Variants in CARMIL1 observed in about 807,000 individuals in gnomAD.
CARMIL1 encodes the protein F-actin-uncapping protein LRRC16A.
In CARMIL1, 90 loss-of-function variants were observed where a neutral mutation model predicts 177.1. That is an observed-to-expected ratio of 0.51 (90% CI 0.43 to 0.61). CARMIL1 has a LOEUF of 0.61. CARMIL1 is among the 20% of genes least tolerant of loss of function. CARMIL1 has a pLI of 0.00. For synonymous variants in CARMIL1, 577 were observed against 606.2 expected (o/e 0.95, Z 0.71); for missense variants, 1,380 against 1,667.0 (o/e 0.83, Z 3.00).
chr6:25,590,230 G>A (rs1814161168), intron 31 of CARMIL1, among the ~76,000 whole-genome samples: 1 of 152,080 alleles, frequency 6.6e-6, no homozygotes, highest in African/African-American at 2.4e-5. Flanking sequence ...ATGAATGGTA[G>A]TTTGATTCTT....
chr6:25,612,739 G>A, intron 36 of CARMIL1: 17 of 984,626 alleles, frequency 1.7e-5, no homozygotes, highest in Non-Finnish European at 2.1e-5. Flanking sequence ...TTCCTCAGTA[G>A]TGCAAAGAGG....
At position 25,324,733 on chromosome 6, in the gene CARMIL1, G is replaced by A. The variant is rs1784936060; in HGVS notation, c.138+39824G>A. ...TATATGGTAGTCATAAGAGCTGGGA[G>A]GATAGGAGATGGAGTAGGGTGATGG... On this transcript the variant is annotated intron_variant, in intron 2 of 36. Coordinates refer to ENST00000329474, the MANE Select transcript of CARMIL1 (RefSeq NM_017640.6). 2.0e-5 allele frequency among the ~76,000 whole-genome samples: 3 copies of A among 152,190 alleles called. No individual in the cohort carries two copies. The South Asian group carries it at 6.2e-4, about 32-fold the overall frequency.
intron 26 of CARMIL1, among the ~76,000 whole-genome samples, chr6:25,542,767 A>G (rs554360635): frequency 1.2e-4 from 18 of 152,280 alleles, no homozygotes; most frequent in South Asian, 6.2e-4. Context: ...TCCAGTTTAC[A>G]TGACAAGTGG....
rs183815985 is a variant in CARMIL1 at position 25,321,184 on chromosome 6, A to G, written c.138+36275A>G. 1.3e-3 allele frequency among the ~76,000 whole-genome samples: 196 copies of G among 152,314 alleles called. 1 individual carries two copies. The highest frequency in any genetic ancestry group is 2.5e-3 in the Non-Finnish European group (167 of 68,030). ...GACTTACAGCACCCTGTAGCATAGT[A>G]TATGATATTTGGCTAGTAAAATGTG... On this transcript the variant is annotated intron_variant, in intron 2 of 36. Coordinates refer to ENST00000329474, the MANE Select transcript of CARMIL1 (RefSeq NM_017640.6).
In CARMIL1 at chr6:25,420,133, C is replaced by A. The variant is rs766532521; in HGVS notation, c.158C>A (p.Ala53Asp). ...TTACAGGTCCTTACATCATGCCGAG[C>A]CTTCCTTGTAACAGCGCGAATCCCC... ...NKVLVLTSCR[A>D]FLVTARIPTK... is the part of the protein sequence containing the mutation. Residue 53 changes from alanine to aspartate, a missense_variant, in exon 3 of 37, where the codon GCC becomes GAC. Ala to Asp is a moderately radical substitution (Grantham distance 126, BLOSUM62 -2). Coordinates refer to ENST00000329474, the MANE Select transcript of CARMIL1 (RefSeq NM_017640.6). 1.9e-6 allele frequency: 3 copies of A among 1,613,534 alleles called. No homozygotes were observed. Among genetic ancestry groups the A allele is most frequent in the Non-Finnish European group, 2.5e-6 (3 of 1,179,524 alleles).
chr6:25,302,542 A>G (rs576670310), intron 2 of CARMIL1, among the ~76,000 whole-genome samples: 2 of 152,292 alleles, frequency 1.3e-5, no homozygotes, highest in African/African-American at 2.4e-5. Context: ...CCTAAAAGCA[A>G]TCTCTTTGTG....
intron 8 of CARMIL1, chr6:25,452,002 C>CCCCCCCCCCCA: frequency 1.9e-5 from 5 of 258,928 alleles, no homozygotes; most frequent in Non-Finnish European, 2.4e-5. Flanking sequence ...CCCTCCCCCC[C>CCCCCCCCCCCA]CCAGAATACT....
Position 25,554,471 on chromosome 6 carries a change from G to T in CARMIL1, c.2592+375G>T, listed in dbSNP as rs1415732593. Among the ~76,000 whole-genome samples, 5 of 152,082 alleles carry T rather than the reference G, an allele frequency of 3.3e-5. No homozygotes were observed. Among genetic ancestry groups the T allele is most frequent in the Non-Finnish European group, 7.4e-5 (5 of 68,010 alleles). The stretch of plus-strand genomic sequence containing the variant: ...TGATAATGGACTATTCTAAAAACAT[G>T]GGAGAAAATAAAAATATTTGAATAA... On this transcript the variant is annotated intron_variant, in intron 28 of 36. Transcript: ENST00000329474. The surrounding 1 kb of genome is among the most constrained non-coding windows in gnomAD (Gnocchi z 4.6).
intron 29 of CARMIL1, among the ~76,000 whole-genome samples, chr6:25,580,522 CAGAA>C (rs1210687038): frequency 6.6e-6 from 1 of 152,142 alleles, no homozygotes; most frequent in Non-Finnish European, 1.5e-5. Context: ...TGATGTGACA[CAGAA>C]AGAGGTCAGG....
chr6:25,474,918 C>T lies in CARMIL1; in HGVS notation c.874+2397C>T, dbSNP rs529629924. Among the ~76,000 whole-genome samples the T allele has an allele frequency of 2.6e-5, 4 of 152,168 alleles. No homozygotes were observed. The South Asian group carries it at 8.3e-4, about 32-fold the overall frequency. ...AAATGAAATCTAGAGTTAAGATGGA[C>T]CAGGAAGGGGACACTTCTCAGTGTT... On this transcript the variant is annotated intron_variant, in intron 11 of 36. Transcript: ENST00000329474.
At chr6:25,582,511 C>G (rs1229051400) in intron 31 of CARMIL1, among the ~76,000 whole-genome samples, 1 of 152,190 alleles carries the variant, frequency 6.6e-6, no homozygotes, top group Non-Finnish European at 1.5e-5. Flanking sequence ...TAGATCCCAC[C>G]TTTCCTTATA....
At chr6:25,497,469 G>C (rs1803850390) in intron 16 of CARMIL1, among the ~76,000 whole-genome samples, 1 of 152,096 alleles carries the variant, frequency 6.6e-6, no homozygotes, top group Non-Finnish European at 1.5e-5. Context: ...ACATTCTCTT[G>C]GGATTACCAC....
At chr6:25,446,835 T>G (rs1798282230) in intron 5 of CARMIL1, among the ~76,000 whole-genome samples, 1 of 152,246 alleles carries the variant, frequency 6.6e-6, no homozygotes, top group African/African-American at 2.4e-5. Flanking sequence ...TGCAGGGTTA[T>G]TAATTGGCCT....
Position 25,454,401 on chromosome 6 carries a change from A to G in CARMIL1, c.614+3690A>G, listed in dbSNP as rs141733251. 2.6e-4 allele frequency among the ~76,000 whole-genome samples: 40 copies of G among 152,308 alleles called. No homozygotes were observed. In the East Asian group the frequency reaches 7.7e-3, roughly 29 times the overall value. On this transcript the variant is annotated intron_variant, in intron 8 of 36. Coordinates refer to ENST00000329474, the MANE Select transcript of CARMIL1 (RefSeq NM_017640.6). Reference sequence around the variant, plus strand: ...TATTGCTATGTTCTGATAAAACTGTATTTGCACAGATAGGTGTCACGGGCT... The same window carrying G: ...TATTGCTATGTTCTGATAAAACTGTGTTTGCACAGATAGGTGTCACGGGCT...
intron 2 of CARMIL1, among the ~76,000 whole-genome samples, chr6:25,345,316 G>A (rs529642919): frequency 2.0e-5 from 3 of 152,028 alleles, no homozygotes; most frequent in South Asian, 4.2e-4. Context: ...ATTCCTTATC[G>A]CTCCAAACTC....
chr6:25,505,152 T>C (rs1804786979), intron 17 of CARMIL1, among the ~76,000 whole-genome samples: 2 of 152,222 alleles, frequency 1.3e-5, no homozygotes, highest in South Asian at 4.1e-4. Flanking sequence ...TCAAGAAGGA[T>C]TACTCTCATC....
intron 31 of CARMIL1, among the ~76,000 whole-genome samples, chr6:25,584,857 T>C (rs554280311): frequency 6.6e-6 from 1 of 152,334 alleles, no homozygotes; most frequent in East Asian, 1.9e-4. Flanking sequence ...TTTCCTCAAA[T>C]GCCAAGGCAC....
chr6:25,519,815 G>A (rs1806369797), intron 22 of CARMIL1, among the ~76,000 whole-genome samples: 1 of 152,122 alleles, frequency 6.6e-6, no homozygotes, highest in Non-Finnish European at 1.5e-5. Flanking sequence ...TCCTTTACCA[G>A]TTTGGGGCTG....
At chr6:25,323,573 C>T (rs561463790) in intron 2 of CARMIL1, among the ~76,000 whole-genome samples, 31 of 152,282 alleles carry the variant, frequency 2.0e-4, no homozygotes, top group Non-Finnish European at 3.4e-4. Context: ...CACACCACTG[C>T]ACTCCAGCAT....
Sources: gnomAD v4.1 joint callset for allele counts (sites outside exome capture counted in the v4.1 genomes callset) on GRCh38, gnomAD v4.1.1 for gene constraint, Gnocchi (gnomAD v3.1) non-coding constraint, MANE v1.5 for transcripts, NCBI Gene and HGNC (gene_info 2026-07-23, HGNC 2026-07-21) for gene names.